The following SPAG16 variants were observed in gnomAD, a reference collection of about 807,000 sequenced individuals.
SPAG16 encodes the protein sperm-associated antigen 16 protein.
In SPAG16, 86 loss-of-function variants were observed where a neutral mutation model predicts 80.4. The ratio of observed to expected loss-of-function variants is 1.07; its 90% CI spans 0.90 to 1.28. The LOEUF (loss-of-function observed/expected upper bound fraction) is 1.28, where lower values mean the gene tolerates loss of function less well. Ranked by LOEUF, SPAG16 falls within the 50% of genes most tolerant of loss-of-function variation. The probability of loss-of-function intolerance (pLI) is 0.00; values close to 1 mark genes in which losing one functional copy is unlikely to be tolerated. For synonymous variants in SPAG16, 294 were observed against 265.9 expected (o/e 1.11, Z -1.03); for missense variants, 870 against 765.3 (o/e 1.14, Z -1.61).
intron 10 of SPAG16, among the ~76,000 whole-genome samples, chr2:213,700,210 T>C (rs2065344635): frequency 6.6e-6 from 1 of 151,700 alleles, no homozygotes; most frequent in Non-Finnish European, 1.5e-5. Flanking sequence ...TCTAGAATTT[T>C]TGACTGCTAA....
chr2:214,154,264 T>C (rs571670420), intron 15 of SPAG16, among the ~76,000 whole-genome samples: 11 of 152,304 alleles, frequency 7.2e-5, no homozygotes, highest in Non-Finnish European at 1.6e-4. Flanking sequence ...TATTTTTCTC[T>C]CCTTTGTAAA....
chr2:214,012,709 A>G (rs948500655), intron 12 of SPAG16, among the ~76,000 whole-genome samples: 3 of 152,154 alleles, frequency 2.0e-5, no homozygotes, highest in Admixed American at 6.6e-5. Context: ...TTATAAATAA[A>G]GTTATTTAAG....
intron 10 of SPAG16, among the ~76,000 whole-genome samples, chr2:213,519,940 G>A (rs2125844106): frequency 6.6e-6 from 1 of 152,242 alleles, no homozygotes; most frequent in Non-Finnish European, 1.5e-5. Flanking sequence ...GGATTAGCAT[G>A]AGCCCTAATG....
intron 12 of SPAG16, among the ~76,000 whole-genome samples, chr2:213,961,113 G>T (rs1161086772): frequency 6.6e-6 from 1 of 152,126 alleles, no homozygotes; most frequent in Admixed American, 6.5e-5. Flanking sequence ...AAGCTCTCCA[G>T]AGTTCCAAAA....
intron 10 of SPAG16, among the ~76,000 whole-genome samples, chr2:213,651,271 T>C (rs2125146865): frequency 6.6e-6 from 1 of 152,240 alleles, no homozygotes; most frequent in Non-Finnish European, 1.5e-5. Context: ...GCTTGAAGAC[T>C]CTAGGGCAGG....
intron 9 of SPAG16, among the ~76,000 whole-genome samples, chr2:213,450,317 C>T (rs1457295023): frequency 6.6e-6 from 1 of 151,830 alleles, no homozygotes; most frequent in Non-Finnish European, 1.5e-5. Flanking sequence ...ACAACAAAAA[C>T]GAAAAAAAGA....
At chr2:213,634,369 C>G (rs1236526607) in intron 10 of SPAG16, among the ~76,000 whole-genome samples, 2 of 151,994 alleles carry the variant, frequency 1.3e-5, no homozygotes, top group Non-Finnish European at 2.9e-5. Flanking sequence ...TCTTATTGTA[C>G]TGATTATGTC....
intron 10 of SPAG16, among the ~76,000 whole-genome samples, chr2:213,758,531 G>A (rs1472053862): frequency 6.6e-6 from 1 of 152,024 alleles, no homozygotes; most frequent in Non-Finnish European, 1.5e-5. Flanking sequence ...AAAATTGGGA[G>A]CTGAAAAGTA....
At chr2:214,333,887 C>T (rs147377380) in intron 15 of SPAG16, among the ~76,000 whole-genome samples, 177 of 152,272 alleles carry the variant, frequency 1.2e-3, no homozygotes, top group African/African-American at 3.9e-3. Context: ...CCATGTACTG[C>T]GGCAGTGGCA....
intron 15 of SPAG16, among the ~76,000 whole-genome samples, chr2:214,390,851 A>G (rs1701039905): frequency 6.6e-6 from 1 of 152,248 alleles, no homozygotes. Flanking sequence ...GCTTGGCAAA[A>G]GAGACAAGGC....
chr2:214,157,089 T>G (rs2056248202), intron 15 of SPAG16, among the ~76,000 whole-genome samples: 1 of 152,152 alleles, frequency 6.6e-6, no homozygotes, highest in Non-Finnish European at 1.5e-5. Flanking sequence ...GCCTCACTGA[T>G]TCTGGAGAAA....
intron 12 of SPAG16, among the ~76,000 whole-genome samples, chr2:213,956,366 C>G (rs927822284): frequency 2.6e-5 from 4 of 151,452 alleles, no homozygotes; most frequent in African/African-American, 9.7e-5. Context: ...TCTTATAGTT[C>G]CTTAGTTTGT....
chr2:213,969,221 T>A (rs1052818965), intron 12 of SPAG16, among the ~76,000 whole-genome samples: 1 of 152,198 alleles, frequency 6.6e-6, no homozygotes, highest in African/African-American at 2.4e-5. Flanking sequence ...AATAGGAGTT[T>A]GGACCTTTTT....
At chr2:213,484,197 G>A (rs1436929516) in intron 9 of SPAG16, among the ~76,000 whole-genome samples, 1 of 152,026 alleles carries the variant, frequency 6.6e-6, no homozygotes, top group Admixed American at 6.6e-5. Flanking sequence ...AAACTTTAAA[G>A]ACTAATTAGA....
chr2:213,300,546 A>C (rs1001277341), intron 3 of SPAG16, among the ~76,000 whole-genome samples: 2 of 152,184 alleles, frequency 1.3e-5, no homozygotes, highest in Non-Finnish European at 2.9e-5. Context: ...ACAACAGGTC[A>C]AATGCAGAAA....
At chr2:213,948,299 A>G in intron 12 of SPAG16, among the ~76,000 whole-genome samples, 1 of 152,202 alleles carries the variant, frequency 6.6e-6, no homozygotes, top group Non-Finnish European at 1.5e-5. Flanking sequence ...AGACACGCAA[A>G]TGCATTTCTG....
chr2:213,675,069 T>C (rs533621104), intron 10 of SPAG16, among the ~76,000 whole-genome samples: 3 of 151,402 alleles, frequency 2.0e-5, no homozygotes, highest in Admixed American at 6.5e-5. Flanking sequence ...TTTTTAATGA[T>C]TGCCATTCTA....
chr2:213,501,269 C>T (rs929912297), intron 10 of SPAG16, among the ~76,000 whole-genome samples: 19 of 152,202 alleles, frequency 1.2e-4, no homozygotes, highest in African/African-American at 4.3e-4. Flanking sequence ...TCTCAAGAAG[C>T]CTAACAAATT....
intron 15 of SPAG16, among the ~76,000 whole-genome samples, chr2:214,250,663 T>G (rs1690190452): frequency 7.2e-6 from 1 of 139,548 alleles, no homozygotes; most frequent in Non-Finnish European, 1.6e-5. Context: ...TTATATATTA[T>G]ATATTTATAT....
Sources: gnomAD v4.1 joint callset for allele counts (sites outside exome capture counted in the v4.1 genomes callset) on GRCh38, gnomAD v4.1.1 for gene constraint, MANE v1.5 for transcripts, NCBI Gene and HGNC (gene_info 2026-07-23, HGNC 2026-07-21) for gene names.